NRXN1: variants seen among roughly 807,000 people sequenced by gnomAD.
NRXN1 encodes neurexin-1.
Under a neutral mutation model 150.9 loss-of-function variants are expected in NRXN1, and 39 were observed. The observed-to-expected ratio is 0.26, with a 90% confidence interval of 0.20 to 0.34. NRXN1 has a LOEUF of 0.34. Among genes scored for constraint, NRXN1 ranks in the 10% least tolerant of loss-of-function variants. The pLI is 1.00. For synonymous variants in NRXN1, 924 were observed against 757.0 expected (o/e 1.22, Z -3.62); for missense variants, 1,815 against 1,949.9 (o/e 0.93, Z 1.30).
intron 18 of NRXN1, among the ~76,000 whole-genome samples, chr2:50,179,022 C>T (rs2060528929): frequency 6.6e-6 from 1 of 152,098 alleles, no homozygotes; most frequent in East Asian, 1.9e-4. Flanking sequence ...AAAGAAAATA[C>T]TGAAGACTGT....
intron 17 of NRXN1, among the ~76,000 whole-genome samples, chr2:50,308,681 T>C (rs1317239714): frequency 2.0e-5 from 3 of 152,160 alleles, no homozygotes; most frequent in Non-Finnish European, 2.9e-5. Flanking sequence ...AGATTCCACA[T>C]GTAAGTGAGA....
intron 15 of NRXN1, among the ~76,000 whole-genome samples, chr2:50,483,727 T>A (rs1157695930): frequency 6.6e-6 from 1 of 152,156 alleles, no homozygotes; most frequent in East Asian, 1.9e-4. Context: ...TCTTTTCTGA[T>A]GCACCACACT....
chr2:50,227,040 G>A (rs537049621), intron 18 of NRXN1, among the ~76,000 whole-genome samples: 26 of 151,882 alleles, frequency 1.7e-4, no homozygotes, highest in African/African-American at 5.1e-4. Context: ...CTTGCTGCTC[G>A]GCATCATGCT....
intron 2 of NRXN1, chr2:51,009,324 T>G (rs1434903170): frequency 6.6e-6 from 1 of 151,948 alleles, no homozygotes; most frequent in Non-Finnish European, 1.5e-5. Context: ...GGGTTAGATA[T>G]GAAAAATTTT....
intron 18 of NRXN1, among the ~76,000 whole-genome samples, chr2:50,172,463 A>C (rs1207900379): frequency 1.3e-5 from 2 of 152,100 alleles, no homozygotes; most frequent in African/African-American, 2.4e-5. Context: ...ACAGAGATGA[A>C]CCACATGAGC....
At chr2:50,832,296 G>C (rs1316937807) in intron 5 of NRXN1, among the ~76,000 whole-genome samples, 1 of 152,270 alleles carries the variant, frequency 6.6e-6, no homozygotes, top group East Asian at 1.9e-4. Context: ...TGCAGACTGA[G>C]TGAGAGCTTA....
chr2:50,638,503 T>C (rs1388051408), intron 5 of NRXN1, among the ~76,000 whole-genome samples: 1 of 152,162 alleles, frequency 6.6e-6, no homozygotes, highest in Non-Finnish European at 1.5e-5. Context: ...AGCAATTTCA[T>C]TGGTTAGAGA....
chr2:50,466,815 A>T (rs759501), intron 16 of NRXN1, among the ~76,000 whole-genome samples: 88,694 of 151,034 alleles, frequency 0.59, 26,416 homozygotes, highest in Middle Eastern at 0.7. Context: ...TACCAAAGTG[A>T]CTGTGTTGCT....
intron 21 of NRXN1, among the ~76,000 whole-genome samples, chr2:49,980,335 C>T (rs913583846): frequency 3.3e-5 from 5 of 152,088 alleles, no homozygotes; most frequent in Non-Finnish European, 7.4e-5. Flanking sequence ...TTCCATCTTC[C>T]ATACTTTAAG....
intron 5 of NRXN1, among the ~76,000 whole-genome samples, chr2:50,673,305 T>G (rs1206389760): frequency 6.6e-6 from 1 of 152,122 alleles, no homozygotes; most frequent in East Asian, 1.9e-4. Flanking sequence ...GATCTAATTA[T>G]TTTTTCTACC....
chr2:50,724,654 T>C (rs945746530), intron 5 of NRXN1, among the ~76,000 whole-genome samples: 9 of 152,064 alleles, frequency 5.9e-5, no homozygotes, highest in Non-Finnish European at 1.2e-4. Context: ...GGAGATTATA[T>C]ATAATATACA....
At chr2:50,512,828 T>G (rs1285404298) in intron 12 of NRXN1, among the ~76,000 whole-genome samples, 1 of 152,184 alleles carries the variant, frequency 6.6e-6, no homozygotes, top group African/African-American at 2.4e-5. Flanking sequence ...GATAGCAGAA[T>G]CAGTACAATT....
chr2:50,578,725 C>G (rs1257945345), intron 8 of NRXN1, among the ~76,000 whole-genome samples: 2 of 151,596 alleles, frequency 1.3e-5, no homozygotes, highest in African/African-American at 4.8e-5. Context: ...AAAAAAAATG[C>G]TAAAGCTTTT....
chr2:49,980,429 G>T (rs1220188805), intron 21 of NRXN1, among the ~76,000 whole-genome samples: 3 of 152,072 alleles, frequency 2.0e-5, no homozygotes, highest in Admixed American at 1.3e-4. Context: ...GAATAGAAAT[G>T]GGAAGCTTTA....
At chr2:50,363,943 A>T (rs912788736) in intron 17 of NRXN1, among the ~76,000 whole-genome samples, 2 of 152,182 alleles carry the variant, frequency 1.3e-5, no homozygotes, top group African/African-American at 4.8e-5. Context: ...CTTTGCAGGG[A>T]CAGGGATGTA....
chr2:50,153,165 G>T (rs1275214434), intron 18 of NRXN1, among the ~76,000 whole-genome samples: 2 of 151,370 alleles, frequency 1.3e-5, no homozygotes, highest in African/African-American at 2.4e-5. Flanking sequence ...TTATTTTTCA[G>T]CTCTAGAACT....
chr2:50,081,507 G>A (rs6709866), intron 19 of NRXN1, among the ~76,000 whole-genome samples: 49,350 of 151,992 alleles, frequency 0.32, 8,447 homozygotes, highest in Non-Finnish European at 0.38. Flanking sequence ...AGCCAAATTC[G>A]GGCCACTGCA....
intron 18 of NRXN1, among the ~76,000 whole-genome samples, chr2:50,199,705 G>A (rs912182862): frequency 1.3e-5 from 2 of 152,100 alleles, no homozygotes; most frequent in African/African-American, 2.4e-5. Context: ...AAGGGAGCAT[G>A]CAATCACATT....
Position 50,987,769 on chromosome 2 carries a change from C to T in NRXN1, c.772+39733G>A, listed in dbSNP as rs1306964210. Among the ~76,000 whole-genome samples the T allele has an allele frequency of 2.6e-5, 4 of 152,040 alleles. No individual in the cohort carries two copies. In the East Asian group the frequency reaches 7.8e-4, roughly 30 times the overall value. On this transcript the variant is annotated intron_variant, in intron 2 of 22. Coordinates refer to ENST00000401669, the MANE Select transcript of NRXN1 (RefSeq NM_001330078.2). Reference sequence around the variant, plus strand: ...AATCAATAATAACTTGGAATCTGGACATCTCTTTGGAGATTAATGGATAGC... The same window carrying T: ...AATCAATAATAACTTGGAATCTGGATATCTCTTTGGAGATTAATGGATAGC...
Sources: allele counts gnomAD v4.1 joint callset (sites outside exome capture counted in the v4.1 genomes callset), GRCh38; gene constraint gnomAD v4.1.1; transcripts MANE v1.5; gene names NCBI Gene and HGNC (gene_info 2026-07-23, HGNC 2026-07-21).